SPAG16: variants seen among roughly 807,000 people sequenced by gnomAD.
SPAG16 encodes the protein sperm associated antigen 16.
In SPAG16, 86 loss-of-function variants were observed where a neutral mutation model predicts 80.4. The ratio of observed to expected loss-of-function variants is 1.07; its 90% CI spans 0.90 to 1.28. The LOEUF (loss-of-function observed/expected upper bound fraction) is 1.28, where lower values mean the gene tolerates loss of function less well. Among genes scored for constraint, SPAG16 ranks in the 50% most tolerant of loss-of-function variants. SPAG16 has a pLI of 0.00. For missense variants in SPAG16, 870 were observed against 765.3 expected (o/e 1.14, Z -1.61); for synonymous variants, 294 against 265.9 (o/e 1.11, Z -1.03).
intron 2 of SPAG16, chr2:213,296,908 A>G (rs1200255838): frequency 2.4e-5 from 9 of 370,086 alleles, no homozygotes; most frequent in Non-Finnish European, 2.8e-5. Context: ...TTCAGTTGCT[A>G]GTAGTTCTGA....
intron 10 of SPAG16, among the ~76,000 whole-genome samples, chr2:213,710,055 C>G (rs1349430114): frequency 2.0e-5 from 3 of 151,974 alleles, no homozygotes; most frequent in African/African-American, 7.3e-5. Context: ...GATCACGAGG[C>G]AGGCAGATAA....
intron 10 of SPAG16, among the ~76,000 whole-genome samples, chr2:213,721,555 ATACT>A (rs1165429600): frequency 1.3e-5 from 2 of 152,220 alleles, no homozygotes; most frequent in African/African-American, 2.4e-5. Context: ...ATTGGTTAAG[ATACT>A]TAATCATATG....
rs77376959 is a variant in SPAG16 at position 213,474,967 on chromosome 2, A to G, written c.943-14996A>G. Among the ~76,000 whole-genome samples, 10 of 152,232 alleles carry G rather than the reference A, an allele frequency of 6.6e-5. No individual in the cohort carries two copies. The East Asian group carries it at 1.9e-3, about 29-fold the overall frequency. On this transcript the variant is annotated intron_variant, in intron 9 of 15. Transcript: ENST00000331683. ...TGACACTCAGTATTAACCATCACAC[A>G]TGTCATCATTGGGGTCCCATTTAGG...
intron 10 of SPAG16, among the ~76,000 whole-genome samples, chr2:213,761,834 C>T (rs556919620): frequency 1.3e-5 from 2 of 152,090 alleles, no homozygotes; most frequent in Admixed American, 1.3e-4. Flanking sequence ...CCACTGCATT[C>T]CAGCCTGGGT....
At chr2:213,779,137 C>T (rs553172009) in intron 10 of SPAG16, among the ~76,000 whole-genome samples, 157 of 152,248 alleles carry the variant, frequency 1.0e-3, no homozygotes, top group Admixed American at 1.8e-3. Context: ...TTCTTTCCTA[C>T]TTAATGTTTC....
chr2:214,004,783 TG>T (rs2124902444), intron 12 of SPAG16, among the ~76,000 whole-genome samples: 1 of 152,176 alleles, frequency 6.6e-6, no homozygotes, highest in South Asian at 2.1e-4. Flanking sequence ...GAGAATTTCA[TG>T]TTCGCTGACA....
At chr2:213,655,598 A>G (rs2063192888) in intron 10 of SPAG16, among the ~76,000 whole-genome samples, 1 of 152,168 alleles carries the variant, frequency 6.6e-6, no homozygotes, top group Non-Finnish European at 1.5e-5. Context: ...GTAACTGAAT[A>G]AGGGGCTTCT....
chr2:213,893,340 A>G (rs1462969557), intron 11 of SPAG16, among the ~76,000 whole-genome samples: 1 of 152,182 alleles, frequency 6.6e-6, no homozygotes, highest in African/African-American at 2.4e-5. Flanking sequence ...GAAAGAAAAA[A>G]AAATGTGAAG....
intron 10 of SPAG16, among the ~76,000 whole-genome samples, chr2:213,516,761 A>T (rs1393891628): frequency 1.3e-5 from 2 of 152,240 alleles, no homozygotes; most frequent in Non-Finnish European, 2.9e-5. Flanking sequence ...TATCATAGGT[A>T]GCCTTTGAGT....
chr2:213,551,724 C>A (rs2076785402), intron 10 of SPAG16, among the ~76,000 whole-genome samples: 1 of 152,070 alleles, frequency 6.6e-6, no homozygotes, highest in South Asian at 2.1e-4. Flanking sequence ...TTTTTGCTGA[C>A]CACTTTCTTT....
At chr2:214,064,250 GGA>G (rs1202653783) in intron 13 of SPAG16, among the ~76,000 whole-genome samples, 3 of 151,918 alleles carry the variant, frequency 2.0e-5, no homozygotes, top group Non-Finnish European at 4.4e-5. Flanking sequence ...AGAAATCTGT[GGA>G]GAGAGGACAC....
intron 13 of SPAG16, among the ~76,000 whole-genome samples, chr2:214,093,628 GT>G (rs2052377940): frequency 6.6e-6 from 1 of 151,890 alleles, no homozygotes; most frequent in Non-Finnish European, 1.5e-5. Flanking sequence ...TATGTGTGGG[GT>G]TTTTTAACAG....
intron 1 of SPAG16, among the ~76,000 whole-genome samples, chr2:213,290,929 A>G (rs2062243406): frequency 6.6e-6 from 1 of 152,148 alleles, no homozygotes; most frequent in Admixed American, 6.5e-5. Context: ...GGCCAAGGGG[A>G]TTGATATCTC....
At chr2:214,186,036 G>T (rs199537378) in intron 15 of SPAG16, among the ~76,000 whole-genome samples, 1 of 32,922 alleles carries the variant, frequency 3.0e-5, no homozygotes. Context: ...ACTGTACCAG[G>T]CATAAAATAA....
chr2:214,210,333 G>GA (rs1159222894), intron 15 of SPAG16, among the ~76,000 whole-genome samples: 1 of 151,724 alleles, frequency 6.6e-6, no homozygotes, highest in African/African-American at 2.4e-5. Flanking sequence ...GTGACAATCT[G>GA]AAAAAAACTT....
At chr2:213,439,451 A>C (rs1177065469) in intron 9 of SPAG16, among the ~76,000 whole-genome samples, 1 of 152,216 alleles carries the variant, frequency 6.6e-6, no homozygotes, top group African/African-American at 2.4e-5. Flanking sequence ...TAAAACTGGA[A>C]GAAGGGGAAC....
At chr2:214,102,708 G>T (rs2053134163) in intron 13 of SPAG16, among the ~76,000 whole-genome samples, 1 of 152,142 alleles carries the variant, frequency 6.6e-6, no homozygotes, top group African/African-American at 2.4e-5. Flanking sequence ...ATCCATAGGT[G>T]TCTGGAGCAA....
intron 10 of SPAG16, among the ~76,000 whole-genome samples, chr2:213,738,251 A>G (rs893657991): frequency 5.9e-5 from 9 of 152,158 alleles, no homozygotes; most frequent in African/African-American, 2.2e-4. Flanking sequence ...CCCCCAGTGG[A>G]TGCCTGAAAT....
intron 10 of SPAG16, among the ~76,000 whole-genome samples, chr2:213,727,545 G>T (rs759946492): frequency 1.4e-4 from 22 of 152,186 alleles, no homozygotes; most frequent in Non-Finnish European, 2.4e-4. Flanking sequence ...GGTACACCAA[G>T]CAAGGAGAAC....
Sources: allele counts gnomAD v4.1 joint callset (sites outside exome capture counted in the v4.1 genomes callset), GRCh38; gene constraint gnomAD v4.1.1; transcripts MANE v1.5; gene names NCBI Gene and HGNC (gene_info 2026-07-23, HGNC 2026-07-21).